The following GGA2 variants were observed in gnomAD, a reference collection of about 807,000 sequenced individuals.
GGA2 encodes the protein ADP-ribosylation factor-binding protein GGA2.
In GGA2, 48 loss-of-function variants were observed where a neutral mutation model predicts 79.5. That is an observed-to-expected ratio of 0.60 (90% CI 0.48 to 0.77). The LOEUF is 0.77. Among genes scored for constraint, GGA2 ranks in the 30% least tolerant of loss-of-function variants. The pLI, the probability that GGA2 is intolerant of heterozygous loss-of-function variation, is 0.00. For missense variants in GGA2, 770 were observed against 774.0 expected (o/e 0.99, Z 0.06); for synonymous variants, 317 against 302.0 (o/e 1.05, Z -0.51).
At chr16:23,521,091 T>G (rs1301529205) in intron 1 of GGA2, among the ~76,000 whole-genome samples, 2 of 152,136 alleles carry the variant, frequency 1.3e-5, no homozygotes, top group Non-Finnish European at 2.9e-5. Flanking sequence ...CAGGCCCAGC[T>G]CTAATTTAGT....
chr16:23,509,180 G>A (rs964726284), intron 1 of GGA2, among the ~76,000 whole-genome samples: 1 of 152,106 alleles, frequency 6.6e-6, no homozygotes, highest in Non-Finnish European at 1.5e-5. Flanking sequence ...CCCCGCCCTC[G>A]GATAAAACAT....
intron 1 of GGA2, among the ~76,000 whole-genome samples, chr16:23,499,774 A>C (rs1249442090): frequency 6.6e-6 from 1 of 152,164 alleles, no homozygotes; most frequent in Non-Finnish European, 1.5e-5. Context: ...GTTTTCTTTT[A>C]CATAAGCCTC....
rs942603785 is a variant in GGA2 at position 23,475,763 on chromosome 16, A to C, written c.1293-702T>G. ...TACTAAAAATACAAAAATTAAAAAA[A>C]AATAAAAAATAAAAAATTAGCCAGG... On this transcript the variant is annotated intron_variant, in intron 13 of 16. Coordinates refer to ENST00000309859, the MANE Select transcript of GGA2 (RefSeq NM_015044.4). Among the ~76,000 whole-genome samples, 13 of 151,484 alleles carry C rather than the reference A, an allele frequency of 8.6e-5. No individual in the cohort carries two copies. In the East Asian group the frequency reaches 2.6e-3, roughly 30 times the overall value.
At chr16:23,510,503 A>AGCGGTGGACACGTGACGGG, upstream of GGA2, 1 of 465,860 alleles carries the variant, frequency 2.1e-6, no homozygotes, top group Non-Finnish European at 3.5e-6. Flanking sequence ...GCGCGGCAGG[A>AGCGGTGGACACGTGACGGG]GCGGTGGACA....
intron 1 of GGA2, among the ~76,000 whole-genome samples, chr16:23,496,564 T>C (rs1023202099): frequency 6.6e-6 from 1 of 152,166 alleles, no homozygotes; most frequent in Non-Finnish European, 1.5e-5. Context: ...GGCTCACACC[T>C]GTAATCCCAG....
In GGA2 at chr16:23,464,204, T is replaced by G. The variant is rs143311564; in HGVS notation, c.*3386A>C. The G allele has an allele frequency of 1.5e-4, 23 of 152,362 alleles. No homozygotes were observed. Among genetic ancestry groups the G allele is most frequent in the African/African-American group, 5.3e-4 (22 of 41,594 alleles). The allele number at this position is 152,362 out of a possible 1,614,324, so 9.4% of individuals were successfully genotyped here. A position where few individuals can be genotyped will look rare whatever the true frequency, so the allele number is the denominator to read the frequency against. On this transcript the variant is annotated 3_prime_UTR_variant, in exon 17 of 17. Coordinates refer to ENST00000309859, the MANE Select transcript of GGA2 (RefSeq NM_015044.4). The stretch of plus-strand genomic sequence containing the variant: ...TGTTTTCAACACTATCTTCATGACC[T>G]GTTTGTGTTCAGAGTGGCTCACAGA...
chr16:23,503,424 T>C (rs1457254469), intron 1 of GGA2, among the ~76,000 whole-genome samples: 3 of 152,224 alleles, frequency 2.0e-5, no homozygotes, highest in Admixed American at 6.5e-5. Flanking sequence ...TTTTCTTTTT[T>C]ATCTTTACTT....
intron 4 of GGA2, 22 bp downstream of exon 4, chr16:23,493,338 A>C (rs1231386770): frequency 2.8e-6 from 4 of 1,411,402 alleles, no homozygotes; most frequent in Non-Finnish European, 4.0e-6. Flanking sequence ...CACAGTCAGC[A>C]GAGCCAAGCC....
chr16:23,474,514 T>C (rs1964552026), intron 14 of GGA2, among the ~76,000 whole-genome samples: 1 of 152,102 alleles, frequency 6.6e-6, no homozygotes, highest in African/African-American at 2.4e-5. Flanking sequence ...TGCACCACCA[T>C]GTCCAGCTAA....
intron 3 of GGA2, 107 bp downstream of exon 3, chr16:23,494,196 G>A: frequency 1.3e-6 from 1 of 787,626 alleles, no homozygotes; most frequent in Non-Finnish European, 2.3e-6. Flanking sequence ...ACCTCTCAGG[G>A]GACCTCCCTT....
At chr16:23,494,500 C>T (rs949480089) in intron 2 of GGA2, 122 bp from the exon 3 acceptor site, 23 of 746,524 alleles carry the variant, frequency 3.1e-5, no homozygotes, top group South Asian at 2.9e-4. Flanking sequence ...AGAGGTGGAG[C>T]GTGCCTGACA....
intron 1 of GGA2, among the ~76,000 whole-genome samples, chr16:23,521,452 T>G (rs943631042): frequency 6.6e-6 from 1 of 152,040 alleles, no homozygotes; most frequent in Non-Finnish European, 1.5e-5. Context: ...CAGGTTAGAG[T>G]GCAGTAGTGC....
intron 5 of GGA2, among the ~76,000 whole-genome samples, chr16:23,490,667 G>A (rs1248936328): frequency 7.3e-5 from 11 of 151,724 alleles, no homozygotes; most frequent in South Asian, 2.1e-4. Context: ...CCCAGGAGGC[G>A]GAGGTTGCAG....
intron 1 of GGA2, among the ~76,000 whole-genome samples, chr16:23,499,473 C>T (rs928972903): frequency 6.6e-6 from 1 of 152,022 alleles, no homozygotes; most frequent in South Asian, 2.1e-4. Context: ...AAAGAAAAAA[C>T]CTCTCTGAGG....
chr16:23,465,310 G>A lies in GGA2; in HGVS notation c.*2280C>T, dbSNP rs974186929. On this transcript the variant is annotated 3_prime_UTR_variant, in exon 17 of 17. Coordinates refer to ENST00000309859, the MANE Select transcript of GGA2 (RefSeq NM_015044.4). The stretch of plus-strand genomic sequence containing the variant: ...AATAACTACTTGTTAAGTGAATGAA[G>A]AGGTAGGAGCTGGGCTCTAAGTGGC... 8 of 702,580 alleles carry A rather than the reference G, an allele frequency of 1.1e-5. No homozygotes were observed. The highest frequency in any genetic ancestry group is 2.3e-4 in the Middle Eastern group (1 of 4,364). The allele number at this position is 702,580 out of a possible 1,614,324, so 43.5% of individuals were successfully genotyped here.
chr16:23,519,604 C>G, exon 2 of GGA2: 1 of 427,238 alleles, frequency 2.3e-6, no homozygotes, highest in South Asian at 1.6e-5. Flanking sequence ...GCTAGGGCAG[C>G]TGTTGGCCAA....
At chr16:23,506,691 C>T (rs1188309448) in intron 1 of GGA2, among the ~76,000 whole-genome samples, 1 of 152,148 alleles carries the variant, frequency 6.6e-6, no homozygotes, top group African/African-American at 2.4e-5. Flanking sequence ...GCTCTCCGTC[C>T]GGGTGGGCCC....
intron 1 of GGA2, among the ~76,000 whole-genome samples, chr16:23,507,471 T>C (rs1964985932): frequency 6.6e-6 from 1 of 152,132 alleles, no homozygotes; most frequent in Non-Finnish European, 1.5e-5. Context: ...CTACTAAAAA[T>C]ACAAAAATTA....
rs1596990868 is a variant in GGA2 at position 23,495,684 on chromosome 16, G to T, written c.176+10C>A. 7.8e-6 allele frequency: 12 copies of T among 1,529,736 alleles called. No homozygotes were observed. The East Asian group carries it at 2.5e-4, about 32-fold the overall frequency. 94.8% of individuals were successfully genotyped at this position (1,529,736 alleles called of 1,614,324 possible). On this transcript the variant is annotated intron_variant, in intron 2 of 16. Transcript: ENST00000309859. The stretch of plus-strand genomic sequence containing the variant: ...CCAGAGTCAACTATGTGTGTGAGAA[G>T]TTACCTTACCCATTGGGGTCAGTGT...
Sources: gnomAD v4.1 joint callset for allele counts (sites outside exome capture counted in the v4.1 genomes callset) on GRCh38, gnomAD v4.1.1 for gene constraint, MANE v1.5 for transcripts, NCBI Gene and HGNC (gene_info 2026-07-23, HGNC 2026-07-21) for gene names.